ANKRD13A: variants seen among roughly 807,000 people sequenced by gnomAD.
ANKRD13A encodes ankyrin repeat domain 13A, also known as ankyrin repeat domain-containing protein 13A.
Under a neutral mutation model 81.3 loss-of-function variants are expected in ANKRD13A, and 48 were observed. That is an observed-to-expected ratio of 0.59 (90% CI 0.47 to 0.75). ANKRD13A has a LOEUF of 0.75. Among genes scored for constraint, ANKRD13A ranks in the 30% least tolerant of loss-of-function variants. The pLI, the probability that ANKRD13A is intolerant of heterozygous loss-of-function variation, is 0.00. For missense variants in ANKRD13A, 612 were observed against 734.0 expected, an observed-to-expected ratio of 0.83 and a Z score of 1.92; for synonymous variants, 230 against 270.1, an observed-to-expected ratio of 0.85 and a Z score of 1.45.
At chr12:110,002,354 T>C (rs7299156) in intron 1 of ANKRD13A, among the ~76,000 whole-genome samples, 28,866 of 152,158 alleles carry the variant, frequency 0.19, 5,071 homozygotes, top group African/African-American at 0.47. Context: ...CGGTGGCTCA[T>C]GCCTGGAATC....
intron 5 of ANKRD13A, 128 bp from the exon 6 acceptor site, chr12:110,019,011 C>T (rs758371790): frequency 9.4e-6 from 9 of 959,708 alleles, no homozygotes; most frequent in Non-Finnish European, 1.4e-5. Context: ...AATCAGTACA[C>T]TGTAGGTTTT....
At position 109,999,657 on chromosome 12, in the gene ANKRD13A, G is replaced by A. The variant is rs574260781; in HGVS notation, c.-32G>A. Reference sequence around the variant, plus strand: ...CCCGCCGGGGCCGAGACTTGGGGCGGGCGACGAGGACCAGGTTACGGCCTC... The same window carrying A: ...CCCGCCGGGGCCGAGACTTGGGGCGAGCGACGAGGACCAGGTTACGGCCTC... On this transcript the variant is annotated 5_prime_UTR_variant, in exon 1 of 15. Transcript: ENST00000261739. The surrounding 1 kb of genome is among the most constrained non-coding windows in gnomAD (Gnocchi z 4.3). 528 of 1,499,400 alleles carry A rather than the reference G, an allele frequency of 3.5e-4. 8 individuals are homozygous for A. In the South Asian group the frequency reaches 3.8e-3, roughly 11 times the overall value. The allele number at this position is 1,499,400 out of a possible 1,614,324, so 92.9% of individuals were successfully genotyped here.
intron 11 of ANKRD13A, among the ~76,000 whole-genome samples, chr12:110,030,197 C>T (rs964695055): frequency 6.6e-6 from 1 of 151,122 alleles, no homozygotes; most frequent in African/African-American, 2.4e-5. Context: ...GATGGAGTCT[C>T]GCTCTGTTGC....
chr12:110,020,054 C>T (rs1393105624), intron 6 of ANKRD13A, among the ~76,000 whole-genome samples: 1 of 152,074 alleles, frequency 6.6e-6, no homozygotes, highest in South Asian at 2.1e-4. Context: ...ATAGTATTTG[C>T]CTAGGATGTC....
At chr12:110,029,675 C>T (rs907815239) in intron 11 of ANKRD13A, 40 bp downstream of exon 11, 31 of 1,598,690 alleles carry the variant, frequency 1.9e-5, no homozygotes, top group Non-Finnish European at 2.6e-5. Flanking sequence ...GGAGGTTCTG[C>T]CCATGTTTGT....
chr12:110,006,475 A>G (rs558351763), intron 1 of ANKRD13A, among the ~76,000 whole-genome samples: 1 of 152,188 alleles, frequency 6.6e-6, no homozygotes, highest in East Asian at 1.9e-4. Flanking sequence ...TGTCATCTCA[A>G]ATCCTTTGCC....
intron 1 of ANKRD13A, among the ~76,000 whole-genome samples, chr12:110,008,030 T>C (rs933615367): frequency 6.6e-6 from 1 of 152,202 alleles, no homozygotes; most frequent in Non-Finnish European, 1.5e-5. Flanking sequence ...TCTAGTACAA[T>C]GTTGACTAGA....
chr12:110,037,728 G>T lies in ANKRD13A; in HGVS notation c.*174G>T, dbSNP rs1042583019. 3.3e-6 allele frequency: 2 copies of T among 599,166 alleles called. No homozygotes were observed. The highest frequency in any genetic ancestry group is 5.6e-6 in the Non-Finnish European group (2 of 357,676). The allele number at this position is 599,166 out of a possible 1,614,324, so 37.1% of individuals were successfully genotyped here. A position where few individuals can be genotyped will look rare whatever the true frequency, so the allele number is the denominator to read the frequency against. On this transcript the variant is annotated 3_prime_UTR_variant, in exon 15 of 15. Coordinates refer to ENST00000261739, the MANE Select transcript of ANKRD13A (RefSeq NM_033121.2). ...AGGGACTCCTGGGCCCATCCAGGCTGCTCCCTGGGGTGGAGAAGGGACCAG... is the reference window on the plus strand; with the variant it reads ...AGGGACTCCTGGGCCCATCCAGGCTTCTCCCTGGGGTGGAGAAGGGACCAG...
intron 12 of ANKRD13A, among the ~76,000 whole-genome samples, chr12:110,031,276 G>A (rs1891673268): frequency 6.6e-6 from 1 of 151,536 alleles, no homozygotes; most frequent in Non-Finnish European, 1.5e-5. Flanking sequence ...AAAAAGAAAG[G>A]ATGTTCTTAA....
At chr12:110,004,475 C>T (rs1890143976) in intron 1 of ANKRD13A, among the ~76,000 whole-genome samples, 5 of 151,754 alleles carry the variant, frequency 3.3e-5, no homozygotes, top group African/African-American at 1.2e-4. Flanking sequence ...ATTAGCCAGG[C>T]GTGGTGGTGC....
At chr12:110,028,415 G>T in intron 9 of ANKRD13A, 97 bp from the exon 10 acceptor site, 1 of 1,442,056 alleles carries the variant, frequency 6.9e-7, no homozygotes, top group Non-Finnish European at 9.4e-7. Flanking sequence ...CCGGTCTTTA[G>T]CTGGTTAACA....
At chr12:110,028,229 T>C in intron 9 of ANKRD13A, 1 of 356,860 alleles carries the variant, frequency 2.8e-6, no homozygotes, top group Non-Finnish European at 5.1e-6. Flanking sequence ...CTTCCAAGTC[T>C]CATGCACTTT....
At position 110,036,359 on chromosome 12, in the gene ANKRD13A, C is replaced by T. The variant is rs1362984098; in HGVS notation, c.1577+31C>T. 1 of 1,607,772 alleles carries T rather than the reference C, an allele frequency of 6.2e-7. No individual in the cohort carries two copies. The highest frequency in any genetic ancestry group is 2.2e-5 in the East Asian group (1 of 44,830). Reference sequence around the variant, plus strand: ...TGACTGACGTGACTCTGGAATAAACCAGGGTGAACACAGGCCTGGACACAG... The same window carrying T: ...TGACTGACGTGACTCTGGAATAAACTAGGGTGAACACAGGCCTGGACACAG... On this transcript the variant is annotated intron_variant, in intron 14 of 14. Coordinates refer to ENST00000261739, the MANE Select transcript of ANKRD13A (RefSeq NM_033121.2). This position sits in a 1 kb window ranked among gnomAD's most constrained non-coding sequence, Gnocchi z 4.6.
At position 110,036,749 on chromosome 12, in the gene ANKRD13A, C is replaced by CA. The variant is rs113661835; in HGVS notation, c.1577+433dup. On this transcript the variant is annotated intron_variant, in intron 14 of 14. Coordinates refer to ENST00000261739, the MANE Select transcript of ANKRD13A (RefSeq NM_033121.2). The surrounding 1 kb of genome is among the most constrained non-coding windows in gnomAD (Gnocchi z 4.6). ...TGGGCGATAGAGCGAGACTCCGTCT[C>CA]AAAAAAAAAAAAGACTAAAGTGTTG... Among the ~76,000 whole-genome samples, 5,985 of 140,978 alleles carry CA rather than the reference C, an allele frequency of 0.042. 180 individuals are homozygous for CA. The highest frequency in any genetic ancestry group is 0.09 in the African/African-American group (3,483 of 38,708). The allele number at this position is 140,978 out of a possible 152,430, so 92.5% of individuals were successfully genotyped here. A position where few individuals can be genotyped will look rare whatever the true frequency, so the allele number is the denominator to read the frequency against.
At chr12:110,027,242 C>T (rs1891394597) in intron 8 of ANKRD13A, 1 of 158,438 alleles carries the variant, frequency 6.3e-6, no homozygotes, top group Admixed American at 6.2e-5. Context: ...CAGGTGATAC[C>T]CAACCTTCCT....
At chr12:110,014,992 G>A (rs1890719415) in intron 3 of ANKRD13A, among the ~76,000 whole-genome samples, 1 of 151,856 alleles carries the variant, frequency 6.6e-6, no homozygotes, top group Non-Finnish European at 1.5e-5. Flanking sequence ...GTTTCACCAT[G>A]GTCTCGATCT....
intron 1 of ANKRD13A, among the ~76,000 whole-genome samples, chr12:110,010,971 G>A (rs943482881): frequency 2.0e-5 from 3 of 152,196 alleles, no homozygotes; most frequent in Non-Finnish European, 4.4e-5. Context: ...TGGGCATGGT[G>A]GCTCATGCCT....
Position 110,029,564 on chromosome 12 carries a change from C to A in ANKRD13A, c.1163C>A (p.Thr388Lys), listed in dbSNP as rs367703492. The A allele has an allele frequency of 3.1e-6, 5 of 1,614,052 alleles. No individual in the cohort carries two copies. The highest frequency in any genetic ancestry group is 4.2e-6 in the Non-Finnish European group (5 of 1,179,960). ...CCCATCATTGACCTAATGGCTCGAA[C>A]GAGTGCTCATTTTGCAAGACTGAGA... ...VIPIIDLMARTSAHFARLRDF... is the reference protein window; with the variant it reads ...VIPIIDLMARKSAHFARLRDF... The change falls in exon 11 of 15, where the codon ACG becomes AAG. Residue 388 changes from threonine to lysine, a missense_variant. Physicochemically the swap from Thr to Lys is moderately conservative, Grantham distance 78 (BLOSUM62 -1). Coordinates refer to ENST00000261739, the MANE Select transcript of ANKRD13A (RefSeq NM_033121.2).
chr12:110,035,567 A>G (rs1189547522), intron 13 of ANKRD13A, among the ~76,000 whole-genome samples: 1 of 151,456 alleles, frequency 6.6e-6, no homozygotes, highest in Non-Finnish European at 1.5e-5. Flanking sequence ...CTCATGCCTC[A>G]CCCTCCCGAG....
Sources: allele counts gnomAD v4.1 joint callset (sites outside exome capture counted in the v4.1 genomes callset), GRCh38; gene constraint gnomAD v4.1.1; non-coding constraint Gnocchi (gnomAD v3.1); transcripts MANE v1.5; gene names NCBI Gene and HGNC (gene_info 2026-07-23, HGNC 2026-07-21).